The following SLC2A13 variants were observed in gnomAD, a reference collection of about 807,000 sequenced individuals.
SLC2A13 encodes the protein solute carrier family 2 member 13.
In SLC2A13, 32 loss-of-function variants were observed where a neutral mutation model predicts 64.4. That is an observed-to-expected ratio of 0.50 (90% CI 0.37 to 0.67). The LOEUF (loss-of-function observed/expected upper bound fraction) is 0.67. SLC2A13 is among the 30% of genes least tolerant of loss of function. The probability of loss-of-function intolerance (pLI) is 0.00; values close to 1 mark genes in which losing one functional copy is unlikely to be tolerated. For synonymous variants in SLC2A13, 338 were observed against 327.1 expected, an observed-to-expected ratio of 1.03 and a Z score of -0.36; for missense variants, 743 against 829.2, an observed-to-expected ratio of 0.90 and a Z score of 1.28.
chr12:39,923,627 C>T lies in SLC2A13; in HGVS notation c.1034+27630G>A, dbSNP rs531824507. Among the ~76,000 whole-genome samples, 13 of 150,866 alleles carry T rather than the reference C, an allele frequency of 8.6e-5. No individual in the cohort carries two copies. The South Asian group carries it at 1.3e-3, about 15-fold the overall frequency. ...ATATACTGAATGACACTGAATTGTA[C>T]GCTCAAGAATGGTAAAATCACAAAT... is the stretch of plus-strand genomic sequence containing the variant. On this transcript the variant is annotated intron_variant, in intron 4 of 9. Transcript: ENST00000280871.
In SLC2A13 at chr12:39,760,272, A is replaced by T. The variant is rs1162759504; in HGVS notation, c.1721-20T>A. On this transcript the variant is annotated intron_variant, in intron 9 of 9. Coordinates refer to ENST00000280871, the MANE Select transcript of SLC2A13 (RefSeq NM_052885.4). ...AAGCTCCTGCAACGGAATATAATAG[A>T]TACATGAATATGAATATATAGAGAG... is the stretch of plus-strand genomic sequence containing the variant. 1 of 1,581,412 alleles carries T rather than the reference A, an allele frequency of 6.3e-7. No homozygotes were observed. The highest frequency in any genetic ancestry group is 2.3e-5 in the East Asian group (1 of 43,700).
At chr12:40,052,577 G>A (rs1404451470) in intron 1 of SLC2A13, among the ~76,000 whole-genome samples, 1 of 152,082 alleles carries the variant, frequency 6.6e-6, no homozygotes, top group Admixed American at 6.6e-5. Flanking sequence ...AGATGACAGC[G>A]ATTTTAAGAA....
At chr12:40,066,090 A>G (rs576272966) in intron 1 of SLC2A13, among the ~76,000 whole-genome samples, 22 of 152,354 alleles carry the variant, frequency 1.4e-4, no homozygotes, top group Admixed American at 2.6e-4. Flanking sequence ...TAAACAGAGC[A>G]TCCTAATCGA....
intron 2 of SLC2A13, among the ~76,000 whole-genome samples, chr12:40,031,271 G>C (rs1007953714): frequency 1.3e-5 from 2 of 152,050 alleles, no homozygotes; most frequent in African/African-American, 4.8e-5. Flanking sequence ...TGCCCAGGCC[G>C]GAGTGTAGTG....
At chr12:39,879,557 C>T (rs1267691319) in intron 4 of SLC2A13, among the ~76,000 whole-genome samples, 2 of 152,230 alleles carry the variant, frequency 1.3e-5, no homozygotes, top group Non-Finnish European at 2.9e-5. Flanking sequence ...TACAGCCCTG[C>T]TGGGTTTCAA....
At chr12:39,913,004 T>C (rs1945456432) in intron 4 of SLC2A13, among the ~76,000 whole-genome samples, 1 of 152,118 alleles carries the variant, frequency 6.6e-6, no homozygotes, top group South Asian at 2.1e-4. Flanking sequence ...ATGAGTCCTC[T>C]TTGAAAGATA....
intron 2 of SLC2A13, among the ~76,000 whole-genome samples, chr12:40,030,458 G>T (rs1370405901): frequency 6.6e-6 from 1 of 152,100 alleles, no homozygotes; most frequent in Non-Finnish European, 1.5e-5. Flanking sequence ...TTTCAAGGTA[G>T]ACCCTAAATA....
At position 40,018,709 on chromosome 12, in the gene SLC2A13, G is replaced by A. The variant is rs141858892; in HGVS notation, c.925+9592C>T. Among the ~76,000 whole-genome samples, 817 of 152,152 alleles carry A rather than the reference G, an allele frequency of 5.4e-3. 9 individuals carry two copies. Among genetic ancestry groups the A allele is most frequent in the South Asian group, 0.016 (78 of 4,828 alleles). On this transcript the variant is annotated intron_variant, in intron 3 of 9. Coordinates refer to ENST00000280871, the MANE Select transcript of SLC2A13 (RefSeq NM_052885.4). ...TCAAATTTAATATAATTCTTTTTGC[G>A]AGACAATAATTGCATCTTCTTTGCA... is the stretch of plus-strand genomic sequence containing the variant.
chr12:39,796,433 A>G (rs892559113), intron 7 of SLC2A13, among the ~76,000 whole-genome samples: 361 of 151,876 alleles, frequency 2.4e-3, no homozygotes, highest in Non-Finnish European at 4.4e-3. Flanking sequence ...AAAAAAAAAA[A>G]AAAAAAAAAA....
At chr12:39,960,533 C>T (rs918708522) in intron 3 of SLC2A13, among the ~76,000 whole-genome samples, 3 of 152,172 alleles carry the variant, frequency 2.0e-5, no homozygotes, top group Admixed American at 1.3e-4. Flanking sequence ...GCACGCATGA[C>T]CATGCCTGGC....
chr12:39,764,686 C>T lies in SLC2A13; in HGVS notation c.1567+51G>A, dbSNP rs376258718. 1.9e-6 allele frequency: 3 copies of T among 1,591,584 alleles called. No homozygotes were observed. In the African/African-American group the frequency reaches 4.1e-5, roughly 22 times the overall value. On this transcript the variant is annotated intron_variant, in intron 8 of 9. Coordinates refer to ENST00000280871, the MANE Select transcript of SLC2A13 (RefSeq NM_052885.4). ...TTGAAAAATTATAGTTTATCTACTC[C>T]AAAAAGAGGCAATTCAATTAATGCA...
intron 1 of SLC2A13, among the ~76,000 whole-genome samples, chr12:40,057,811 GCA>G (rs1173804957): frequency 4.6e-5 from 7 of 152,036 alleles, no homozygotes; most frequent in Non-Finnish European, 8.8e-5. Flanking sequence ...TTTCAAAGAA[GCA>G]CAGTTTATAG....
At chr12:40,104,615 AGAG>A (rs1308174797) in intron 1 of SLC2A13, among the ~76,000 whole-genome samples, 3 of 152,374 alleles carry the variant, frequency 2.0e-5, no homozygotes, top group Non-Finnish European at 2.9e-5. Context: ...TTGGAAAAAC[AGAG>A]GAGAATGGAA....
At chr12:40,014,837 C>T (rs1018931683) in intron 3 of SLC2A13, among the ~76,000 whole-genome samples, 4 of 152,172 alleles carry the variant, frequency 2.6e-5, no homozygotes, top group African/African-American at 4.8e-5. Context: ...AATAAGATTT[C>T]TATCGTAATG....
At chr12:40,093,262 T>C (rs544263718) in intron 1 of SLC2A13, among the ~76,000 whole-genome samples, 1 of 152,310 alleles carries the variant, frequency 6.6e-6, no homozygotes, top group African/African-American at 2.4e-5. Context: ...GAAGCAACCC[T>C]AGAGAACATT....
In SLC2A13 at chr12:39,758,739, A is replaced by G. The variant is rs538032874; in HGVS notation, c.*1287T>C. 2.6e-5 allele frequency: 4 copies of G among 152,146 alleles called. 1 individual carries two copies. The highest frequency in any genetic ancestry group is 7.2e-5 in the African/African-American group (3 of 41,542). The allele number at this position is 152,146 out of a possible 1,614,324, so 9.4% of individuals were successfully genotyped here. A position where few individuals can be genotyped will look rare whatever the true frequency, so the allele number is the denominator to read the frequency against. On this transcript the variant is annotated 3_prime_UTR_variant, in exon 10 of 10. Transcript: ENST00000280871. ...AATAGGCAATCTCAATTTTTACACA[A>G]GAAGGAAAAACTAAGCCAAGAATAA...
intron 6 of SLC2A13, among the ~76,000 whole-genome samples, chr12:39,847,756 G>A (rs1042602048): frequency 6.6e-6 from 1 of 152,010 alleles, no homozygotes; most frequent in Non-Finnish European, 1.5e-5. Context: ...GGGTTCTTCT[G>A]TAATATACAG....
intron 7 of SLC2A13, among the ~76,000 whole-genome samples, chr12:39,816,957 A>G: frequency 6.6e-6 from 1 of 152,102 alleles, no homozygotes; most frequent in African/African-American, 2.4e-5. Flanking sequence ...ATTTCCTTTT[A>G]TCTTGGGCAA....
chr12:39,937,302 T>C (rs148451958), intron 4 of SLC2A13, among the ~76,000 whole-genome samples: 52 of 152,266 alleles, frequency 3.4e-4, no homozygotes, highest in African/African-American at 1.2e-3. Context: ...CTGAAAATGG[T>C]GTAAGTCATA....
Sources: gnomAD v4.1 joint callset for allele counts (sites outside exome capture counted in the v4.1 genomes callset) on GRCh38, gnomAD v4.1.1 for gene constraint, MANE v1.5 for transcripts, NCBI Gene and HGNC (gene_info 2026-07-23, HGNC 2026-07-21) for gene names.